SYN3: variants seen among roughly 807,000 people sequenced by gnomAD.
SYN3 encodes synapsin III.
Under a neutral mutation model 65.8 loss-of-function variants are expected in SYN3, and 35 were observed. The ratio of observed to expected loss-of-function variants is 0.53; its 90% CI spans 0.41 to 0.70. The LOEUF is 0.70. Among genes scored for constraint, SYN3 ranks in the 30% least tolerant of loss-of-function variants. SYN3 has a pLI of 0.00. For missense variants in SYN3, 680 were observed against 749.0 expected, an observed-to-expected ratio of 0.91 and a Z score of 1.08; for synonymous variants, 270 against 292.9, an observed-to-expected ratio of 0.92 and a Z score of 0.80.
chr22:32,949,922 C>T (rs1346128820), intron 3 of SYN3, among the ~76,000 whole-genome samples: 1 of 152,166 alleles, frequency 6.6e-6, no homozygotes, highest in African/African-American at 2.4e-5. Context: ...CAGCTTTGAC[C>T]TTGAAGCCTG....
At chr22:32,762,004 G>A (rs1159277399) in intron 6 of SYN3, among the ~76,000 whole-genome samples, 1 of 152,236 alleles carries the variant, frequency 6.6e-6, no homozygotes, top group Non-Finnish European at 1.5e-5. Flanking sequence ...AGTGCCACCT[G>A]TCCTTAGCGA....
rs963576540 is a variant in SYN3 at position 32,528,733 on chromosome 22, G to A, written c.1230+141C>T. 32 of 1,201,048 alleles carry A rather than the reference G, an allele frequency of 2.7e-5. No homozygotes were observed. In the Admixed American group the frequency reaches 7.0e-4, roughly 26 times the overall value. 74.4% of individuals were successfully genotyped at this position (1,201,048 alleles called of 1,614,324 possible). On this transcript the variant is annotated intron_variant, in intron 11 of 13. Transcript: ENST00000358763. Reference sequence around the variant, plus strand: ...CTGTGAAAGCTCTCCCCAATGTCTGGCCTTCGTCCACACCCCCATTCCTTC... The same window carrying A: ...CTGTGAAAGCTCTCCCCAATGTCTGACCTTCGTCCACACCCCCATTCCTTC...
At chr22:32,889,709 A>T (rs2049390335) in intron 4 of SYN3, among the ~76,000 whole-genome samples, 1 of 152,116 alleles carries the variant, frequency 6.6e-6, no homozygotes, top group Non-Finnish European at 1.5e-5. Context: ...ATGCCAAAAT[A>T]TAAACTTTTA....
At chr22:32,977,003 G>T (rs527253578) in intron 3 of SYN3, among the ~76,000 whole-genome samples, 1 of 151,530 alleles carries the variant, frequency 6.6e-6, no homozygotes, top group African/African-American at 2.4e-5. Context: ...CTGGGGGGGG[G>T]GTTGCTTGTG....
intron 6 of SYN3, among the ~76,000 whole-genome samples, chr22:32,720,728 G>A (rs1295436010): frequency 6.6e-6 from 1 of 152,232 alleles, no homozygotes; most frequent in Non-Finnish European, 1.5e-5. Flanking sequence ...CCCACAGGTG[G>A]CACTTTGGCA....
At chr22:33,019,902 ATTC>A (rs775270942) in intron 1 of SYN3, among the ~76,000 whole-genome samples, 2 of 152,206 alleles carry the variant, frequency 1.3e-5, no homozygotes, top group Non-Finnish European at 2.9e-5. Flanking sequence ...CCCATTGCTT[ATTC>A]TTAGCAATCC....
rs1364082937 is a variant in SYN3 at position 32,596,673 on chromosome 22, C to T, written c.774+1G>A. ...GTGAGTGGAAGGGCTGTTTCTCATA[C>T]CTTTCCCATTCCAGCGTGGGCATGT... On this transcript the variant is annotated splice_donor_variant, in intron 7 of 13. Transcript: ENST00000358763. LOFTEE classifies it high-confidence loss of function. 2.5e-6 allele frequency: 4 copies of T among 1,613,952 alleles called. No homozygotes were observed. The highest frequency in any genetic ancestry group is 3.4e-6 in the Non-Finnish European group (4 of 1,179,948).
chr22:32,540,282 T>C (rs188184691), intron 8 of SYN3, among the ~76,000 whole-genome samples: 57 of 152,280 alleles, frequency 3.7e-4, no homozygotes, highest in Middle Eastern at 3.4e-3. Flanking sequence ...TCAACAGAAC[T>C]GTATTTAGAG....
intron 6 of SYN3, among the ~76,000 whole-genome samples, chr22:32,749,126 T>C (rs2045030928): frequency 6.6e-6 from 1 of 152,090 alleles, no homozygotes; most frequent in South Asian, 2.1e-4. Context: ...TATTAAGGTG[T>C]TGGCAAATTT....
intron 4 of SYN3, chr22:32,930,936 C>T (rs911524491): frequency 6.5e-6 from 1 of 154,654 alleles, no homozygotes; most frequent in Non-Finnish European, 1.4e-5. Context: ...TCTATGAACA[C>T]TTAGTCTGCC....
chr22:32,529,502 C>T (rs992376910), intron 10 of SYN3, among the ~76,000 whole-genome samples: 48 of 152,172 alleles, frequency 3.2e-4, no homozygotes, highest in East Asian at 7.7e-4. Flanking sequence ...GCCTGTTTTC[C>T]GAGGCCCTGG....
intron 6 of SYN3, among the ~76,000 whole-genome samples, chr22:32,639,737 G>A (rs1047486916): frequency 5.9e-5 from 9 of 152,110 alleles, no homozygotes; most frequent in Admixed American, 2.0e-4. Flanking sequence ...TGTAAAGGCA[G>A]GGTCTTGCTG....
rs866402584 is a variant in SYN3 at position 32,893,985 on chromosome 22, T to C, written c.462-24860A>G. 1.7e-4 allele frequency among the ~76,000 whole-genome samples: 26 copies of C among 152,252 alleles called. 1 individual carries two copies. The highest frequency in any genetic ancestry group is 6.8e-3 in the Middle Eastern group (2 of 294). The stretch of plus-strand genomic sequence containing the variant: ...TTTCTTGCAATGTTATCACAGCCTA[T>C]ACTATGACAATCAGACAGTGGACAC... On this transcript the variant is annotated intron_variant, in intron 4 of 13. Coordinates refer to ENST00000358763, the MANE Select transcript of SYN3 (RefSeq NM_003490.4).
chr22:32,836,273 AG>A (rs2047727572), intron 6 of SYN3, among the ~76,000 whole-genome samples: 1 of 152,198 alleles, frequency 6.6e-6, no homozygotes, highest in Non-Finnish European at 1.5e-5. Context: ...GTAAGTGCTC[AG>A]TGAATATTTA....
intron 6 of SYN3, among the ~76,000 whole-genome samples, chr22:32,695,643 GC>G (rs2060726009): frequency 6.6e-6 from 1 of 152,172 alleles, no homozygotes; most frequent in Non-Finnish European, 1.5e-5. Context: ...CTGACAAGCT[GC>G]AAGGCTGACT....
rs1238467380 is a variant in SYN3, at chr22:32,510,335, C to T, written c.*3357G>A. ...CGGACTCCTTTAGTCCGACATGAAG[C>T]TTCATCTGCCTTTGTAACTAGCTCT... On this transcript the variant is annotated 3_prime_UTR_variant, in exon 14 of 14. Coordinates refer to ENST00000358763, the MANE Select transcript of SYN3 (RefSeq NM_003490.4). Among the ~76,000 whole-genome samples, 1 of 152,238 alleles carries T rather than the reference C, an allele frequency of 6.6e-6. No individual in the cohort carries two copies. The highest frequency in any genetic ancestry group is 1.5e-5 in the Non-Finnish European group (1 of 68,056).
chr22:32,672,870 G>A (rs1016017983), intron 6 of SYN3, among the ~76,000 whole-genome samples: 6 of 152,222 alleles, frequency 3.9e-5, no homozygotes, highest in Non-Finnish European at 7.3e-5. Flanking sequence ...GCGAGAGAAA[G>A]AGAGCTTTGT....
At position 32,869,390 on chromosome 22, in the gene SYN3, C is replaced by A. The variant is rs2146349002; in HGVS notation, c.462-265G>T. ...TCTCACAGGCTCTTTCCTAAATTCC[C>A]TGCATTGAACATCTATTTCATTTGC... On this transcript the variant is annotated intron_variant, in intron 4 of 13. Transcript: ENST00000358763. Among the ~76,000 whole-genome samples, 3 of 145,734 alleles carry A rather than the reference C, an allele frequency of 2.1e-5. No homozygotes were observed. The South Asian group carries it at 6.9e-4, about 33-fold the overall frequency.
chr22:32,936,647 A>G (rs2050784503), intron 3 of SYN3, among the ~76,000 whole-genome samples: 1 of 152,226 alleles, frequency 6.6e-6, no homozygotes, highest in Non-Finnish European at 1.5e-5. Context: ...AGAGCTGGGA[A>G]GAACCCATGT....
Sources: gnomAD v4.1 joint callset for allele counts (sites outside exome capture counted in the v4.1 genomes callset) on GRCh38, gnomAD v4.1.1 for gene constraint, MANE v1.5 for transcripts, NCBI Gene and HGNC (gene_info 2026-07-23, HGNC 2026-07-21) for gene names.